The following EYS variants were observed in gnomAD, a reference collection of about 807,000 sequenced individuals.
EYS encodes EGF-like photoreceptor maintenance factor.
In EYS, 250 loss-of-function variants were observed where a neutral mutation model predicts 282.1. That is an observed-to-expected ratio of 0.89 (90% confidence interval 0.80 to 0.98). The LOEUF (loss-of-function observed/expected upper bound fraction) is 0.98, where lower values mean the gene tolerates loss of function less well. Ranked by LOEUF, EYS falls within the 50% of genes least tolerant of loss-of-function variation. The probability of loss-of-function intolerance (pLI) is 0.00; values close to 1 mark genes in which losing one functional copy is unlikely to be tolerated. For missense variants in EYS, 4,016 were observed against 3,709.0 expected (o/e 1.08, Z -2.15); for synonymous variants, 1,355 against 1,282.9 (o/e 1.06, Z -1.20).
intron 29 of EYS, among the ~76,000 whole-genome samples, chr6:64,330,082 G>T (rs895560186): frequency 6.6e-6 from 1 of 152,134 alleles, no homozygotes; most frequent in Non-Finnish European, 1.5e-5. Flanking sequence ...GCCGTGTCCT[G>T]TTGCAGTATA....
intron 5 of EYS, among the ~76,000 whole-genome samples, chr6:65,467,327 A>G (rs1161105792): frequency 6.6e-6 from 1 of 152,166 alleles, no homozygotes; most frequent in Non-Finnish European, 1.5e-5. Flanking sequence ...AAGTAAATGC[A>G]TAGAACAAAT....
At chr6:65,190,045 A>G (rs1765604238) in intron 12 of EYS, among the ~76,000 whole-genome samples, 1 of 151,536 alleles carries the variant, frequency 6.6e-6, no homozygotes, top group Non-Finnish European at 1.5e-5. Flanking sequence ...TAGTGTTTGC[A>G]AGAACTTCCT....
chr6:65,473,874 T>C (rs931788262), intron 5 of EYS, among the ~76,000 whole-genome samples: 6 of 149,838 alleles, frequency 4.0e-5, no homozygotes, highest in Admixed American at 4.0e-4. Context: ...AAATGTAGAA[T>C]GATTCAGAAA....
chr6:64,143,413 G>A (rs931341011), intron 31 of EYS, among the ~76,000 whole-genome samples: 1 of 148,146 alleles, frequency 6.8e-6, no homozygotes, highest in African/African-American at 2.5e-5. Context: ...ATTCTTAGTA[G>A]AGGAGCTTGT....
intron 29 of EYS, among the ~76,000 whole-genome samples, chr6:64,314,315 A>G (rs2150380296): frequency 6.6e-6 from 1 of 152,114 alleles, no homozygotes; most frequent in East Asian, 1.9e-4. Context: ...AAAGGGATTA[A>G]TGCAACAGGA....
intron 26 of EYS, among the ~76,000 whole-genome samples, chr6:64,555,993 G>T (rs1266586022): frequency 6.6e-6 from 1 of 151,960 alleles, no homozygotes; most frequent in Non-Finnish European, 1.5e-5. Flanking sequence ...AATAAAAAGT[G>T]CTGACAAGGA....
At chr6:65,560,971 T>G (rs1374224691) in intron 2 of EYS, among the ~76,000 whole-genome samples, 1 of 152,116 alleles carries the variant, frequency 6.6e-6, no homozygotes, top group Non-Finnish European at 1.5e-5. Flanking sequence ...TACTTTGTTA[T>G]TTTTTCATCA....
At chr6:64,884,112 T>G (rs1457875321) in intron 19 of EYS, among the ~76,000 whole-genome samples, 1 of 151,584 alleles carries the variant, frequency 6.6e-6, no homozygotes, top group East Asian at 1.9e-4. Flanking sequence ...ATGCTCTGAT[T>G]TAGATAATTA....
intron 12 of EYS, among the ~76,000 whole-genome samples, chr6:65,231,522 C>T (rs1299610665): frequency 1.3e-5 from 2 of 151,482 alleles, no homozygotes; most frequent in African/African-American, 4.8e-5. Flanking sequence ...CATGATGGCT[C>T]AAAGCCAATA....
chr6:65,114,770 C>T (rs930030374), intron 12 of EYS, among the ~76,000 whole-genome samples: 2 of 151,938 alleles, frequency 1.3e-5, no homozygotes, highest in African/African-American at 2.4e-5. Flanking sequence ...AGGTTAACAA[C>T]CAACTGCATG....
chr6:65,397,476 T>C (rs1766325481), intron 7 of EYS, among the ~76,000 whole-genome samples: 1 of 152,048 alleles, frequency 6.6e-6, no homozygotes. Flanking sequence ...TTAGGTTTTT[T>C]ACTTTCTGGT....
At chr6:64,247,701 G>A (rs1297690018) in intron 30 of EYS, among the ~76,000 whole-genome samples, 3 of 152,042 alleles carry the variant, frequency 2.0e-5, no homozygotes, top group African/African-American at 7.2e-5. Context: ...TACCCGTACT[G>A]CTCTAAATGC....
intron 2 of EYS, among the ~76,000 whole-genome samples, chr6:65,560,447 CACAAATAAAGGTGTTAG>C (rs1438416607): frequency 6.8e-6 from 1 of 146,592 alleles, no homozygotes; most frequent in Non-Finnish European, 1.5e-5. Flanking sequence ...TATTGCAGGA[CACAAATAAAGGTGTTAG>C]ACTGTTCTTG....
intron 26 of EYS, among the ~76,000 whole-genome samples, chr6:64,478,396 A>G (rs2150497608): frequency 6.6e-6 from 1 of 151,872 alleles, no homozygotes; most frequent in South Asian, 2.1e-4. Flanking sequence ...GGAAAAAATA[A>G]TTTAGACAAT....
At chr6:63,904,141 A>G (rs1422000418) in intron 35 of EYS, among the ~76,000 whole-genome samples, 1 of 152,136 alleles carries the variant, frequency 6.6e-6, no homozygotes, top group Non-Finnish European at 1.5e-5. Flanking sequence ...TGCGAGGCTC[A>G]GCTCTCTTTT....
intron 2 of EYS, among the ~76,000 whole-genome samples, chr6:65,589,806 G>A (rs979411778): frequency 4.0e-5 from 6 of 151,800 alleles, no homozygotes; most frequent in African/African-American, 1.5e-4. Flanking sequence ...ATTTTCTAAT[G>A]TATTAGAAAT....
chr6:63,982,277 C>T (rs1767135980), intron 35 of EYS, among the ~76,000 whole-genome samples: 1 of 151,836 alleles, frequency 6.6e-6, no homozygotes, highest in Non-Finnish European at 1.5e-5. Context: ...TAACAGTTAA[C>T]TCACAGTTTC....
intron 30 of EYS, among the ~76,000 whole-genome samples, chr6:64,295,034 C>T (rs1768864964): frequency 6.6e-6 from 1 of 151,786 alleles, no homozygotes; most frequent in South Asian, 2.1e-4. Context: ...TAATATTCAG[C>T]TATGGTTATG....
intron 2 of EYS, among the ~76,000 whole-genome samples, chr6:65,498,542 G>A (rs962795691): frequency 4.6e-5 from 7 of 151,926 alleles, no homozygotes; most frequent in African/African-American, 1.4e-4. Flanking sequence ...TAATCCCATG[G>A]TTCTTAGAGC....
Sources: gnomAD v4.1 joint callset for allele counts (sites outside exome capture counted in the v4.1 genomes callset) on GRCh38, gnomAD v4.1.1 for gene constraint, MANE v1.5 for transcripts, NCBI Gene and HGNC (gene_info 2026-07-23, HGNC 2026-07-21) for gene names.